PGR: variants seen among roughly 807,000 people sequenced by gnomAD.
The protein encoded by PGR is progesterone receptor, also known as nuclear receptor subfamily 3 group C member 3.
A neutral mutation model predicts 76.1 loss-of-function variants in PGR; 25 were observed. The ratio of observed to expected loss-of-function variants is 0.33; its 90% CI spans 0.24 to 0.46. The LOEUF is 0.46. Among genes scored for constraint, PGR ranks in the 20% least tolerant of loss-of-function variants. PGR has a pLI of 1.00. For synonymous variants in PGR, 579 were observed against 535.0 expected (o/e 1.08, Z -1.14); for missense variants, 1,172 against 1,225.3 (o/e 0.96, Z 0.65).
chr11:101,061,905 G>A (rs1295554914), intron 4 of PGR, among the ~76,000 whole-genome samples: 2 of 152,130 alleles, frequency 1.3e-5, no homozygotes, highest in Admixed American at 6.5e-5. Flanking sequence ...CTCTCTTTGG[G>A]TATAAATTAG....
At chr11:101,068,003 A>G (rs1860783964) in intron 3 of PGR, among the ~76,000 whole-genome samples, 1 of 152,186 alleles carries the variant, frequency 6.6e-6, no homozygotes, top group Non-Finnish European at 1.5e-5. Flanking sequence ...AAAGATAAAG[A>G]GGAATGTGAT....
At position 101,129,719 on chromosome 11, in the gene PGR, C is replaced by G. The variant is rs1350265510; in HGVS notation, c.-649G>C. ...ACTAGCCGCCTCGGGTTGTAGATTT[C>G]ACTCAAATGACAAGTGAAGCTAGTT... On this transcript the variant is annotated 5_prime_UTR_variant, in exon 1 of 8. Coordinates refer to ENST00000325455, the MANE Select transcript of PGR (RefSeq NM_000926.4). 5.5e-6 allele frequency: 1 copy of G among 180,754 alleles called. No homozygotes were observed. Among genetic ancestry groups the G allele is most frequent in the Non-Finnish European group, 1.2e-5 (1 of 84,638 alleles). 11.2% of individuals were successfully genotyped at this position (180,754 alleles called of 1,614,324 possible). A position where few individuals can be genotyped will look rare whatever the true frequency, so the allele number is the denominator to read the frequency against.
At chr11:101,102,703 C>A (rs575104572) in intron 2 of PGR, among the ~76,000 whole-genome samples, 1 of 152,048 alleles carries the variant, frequency 6.6e-6, no homozygotes, top group East Asian at 1.9e-4. Context: ...ATATTAGAGA[C>A]CAATATACTA....
At chr11:101,076,358 C>T (rs867125129) in intron 3 of PGR, among the ~76,000 whole-genome samples, 8 of 152,130 alleles carry the variant, frequency 5.3e-5, no homozygotes, top group Middle Eastern at 3.4e-3. Context: ...GAAGAAATAC[C>T]TAATGTAGAT....
At chr11:101,064,325 C>A (rs1368189774) in intron 3 of PGR, among the ~76,000 whole-genome samples, 3 of 63,274 alleles carry the variant, frequency 4.7e-5, no homozygotes, top group Non-Finnish European at 8.2e-5. Context: ...GGGAGAAACT[C>A]CACCTCAAAA....
rs1166197577 is a variant in PGR at position 101,062,706 on chromosome 11, C to A, written c.1953G>T (p.Leu651=). ...KFNKVRVVRA[L]DAVALPQPVG... is the part of the protein sequence containing the mutation. The stretch of plus-strand genomic sequence containing the variant: ...CTGGCTGTGGGAGAGCAACAGCATC[C>A]AGTGCTCTCACAACTCTGACTTTAT... Residue 651 remains leucine, a synonymous_variant, in exon 4 of 8, where the codon CTG becomes CTT. Coordinates refer to ENST00000325455, the MANE Select transcript of PGR (RefSeq NM_000926.4). 1.2e-6 allele frequency: 2 copies of A among 1,613,642 alleles called. No individual in the cohort carries two copies. Among genetic ancestry groups the A allele is most frequent in the Non-Finnish European group, 1.7e-6 (2 of 1,179,830 alleles).
chr11:101,051,317 C>T, intron 5 of PGR, 107 bp downstream of exon 5: 1 of 752,130 alleles, frequency 1.3e-6, no homozygotes, highest in Non-Finnish European at 2.3e-6. Flanking sequence ...ACAGTAATGT[C>T]ATCATATCAA....
intron 3 of PGR, among the ~76,000 whole-genome samples, chr11:101,074,592 C>T (rs1861058883): frequency 6.6e-6 from 1 of 152,090 alleles, no homozygotes; most frequent in African/African-American, 2.4e-5. Context: ...CATCTCAGCC[C>T]AAAATCTCCT....
Position 101,062,763 on chromosome 11 carries a change from G to GA in PGR, c.1907-12dup, listed in dbSNP as rs771435948. On this transcript the variant is annotated splice_polypyrimidine_tract_variant and intron_variant, in intron 3 of 7. Transcript: ENST00000325455. ...TTTTAAATTTTCGACCTACAGAGAAGAAAAAAAAGAAATTCATGTAAATAT... is the reference window on the plus strand; with the variant it reads ...TTTTAAATTTTCGACCTACAGAGAAGAAAAAAAAAGAAATTCATGTAAATAT... 49 of 1,580,096 alleles carry GA rather than the reference G, an allele frequency of 3.1e-5. No homozygotes were observed. The highest frequency in any genetic ancestry group is 5.2e-5 in the Admixed American group (3 of 57,430).
chr11:101,116,887 T>C (rs929248911), intron 2 of PGR, among the ~76,000 whole-genome samples: 1 of 152,282 alleles, frequency 6.6e-6, no homozygotes, highest in South Asian at 2.1e-4. Context: ...CCCAGAATGA[T>C]ATTGTTCCTT....
In PGR at chr11:101,030,846, A is replaced by G. The variant is rs376673553; in HGVS notation, c.*8270T>C. On this transcript the variant is annotated 3_prime_UTR_variant, in exon 8 of 8. Coordinates refer to ENST00000325455, the MANE Select transcript of PGR (RefSeq NM_000926.4). ...CTAAAACCTGACAGAAGCCTCCAGC[A>G]CATAGCAAGAGGAAGTGAGAGGCTT... is the stretch of plus-strand genomic sequence containing the variant. 8.8e-4 allele frequency: 172 copies of G among 195,196 alleles called. 1 individual carries two copies. The highest frequency in any genetic ancestry group is 3.5e-3 in the Middle Eastern group (2 of 568). 12.1% of individuals were successfully genotyped at this position (195,196 alleles called of 1,614,324 possible).
At chr11:101,086,949 T>C (rs1861520532) in intron 3 of PGR, among the ~76,000 whole-genome samples, 1 of 152,158 alleles carries the variant, frequency 6.6e-6, no homozygotes, top group African/African-American at 2.4e-5. Context: ...CACTAACACA[T>C]GTAAAAACAT....
In PGR at chr11:101,045,566, C is replaced by T. The variant is rs528924445; in HGVS notation, c.2489-3464G>A. Among the ~76,000 whole-genome samples the T allele has an allele frequency of 7.4e-4, 112 of 152,212 alleles. 1 individual carries two copies. Among genetic ancestry groups the T allele is most frequent in the African/African-American group, 2.5e-3 (104 of 41,542 alleles). ...GAGAACATGTGGTATCTGACTTTGT[C>T]TCTGAATTGTTTCACTTAAGATAAT... On this transcript the variant is annotated intron_variant, in intron 6 of 7. Transcript: ENST00000325455.
At chr11:101,089,641 T>C (rs1861609207) in intron 3 of PGR, among the ~76,000 whole-genome samples, 1 of 145,652 alleles carries the variant, frequency 6.9e-6, no homozygotes, top group South Asian at 2.1e-4. Context: ...GATATACAGT[T>C]ACTGAAAGAA....
Position 101,127,969 on chromosome 11 carries a change from C to G in PGR, c.1102G>C (p.Glu368Gln), listed in dbSNP as rs773741495. The stretch of plus-strand genomic sequence containing the variant: ...AGAGGGTACGCGTCGTCCTTGGGCT[C>G]GGCGTCGGGCGGGTACGCGCAGTCG... ...FPDCAYPPDA[E>Q]PKDDAYPLYS... The change falls in exon 1 of 8, where the codon GAG becomes CAG. Residue 368 changes from glutamate (E) to glutamine (Q), a missense_variant. Glu to Gln is a conservative substitution (Grantham distance 29). Transcript: ENST00000325455. The G allele has an allele frequency of 5.6e-6, 9 of 1,611,970 alleles. No homozygotes were observed. In the South Asian group the frequency reaches 8.8e-5, roughly 16 times the overall value.
chr11:101,122,087 G>A (rs905711285), intron 2 of PGR, among the ~76,000 whole-genome samples: 4 of 145,938 alleles, frequency 2.7e-5, no homozygotes, highest in Non-Finnish European at 3.0e-5. Flanking sequence ...CCCGGGAGGC[G>A]GAGCTTGCAG....
At chr11:101,091,657 A>G (rs145900921) in intron 3 of PGR, 103 bp downstream of exon 3, 19 of 754,936 alleles carry the variant, frequency 2.5e-5, no homozygotes, top group Non-Finnish European at 4.3e-5. Context: ...ATCAAGACAG[A>G]AAAAACAAAA....
intron 2 of PGR, among the ~76,000 whole-genome samples, chr11:101,111,131 G>A (rs1017198350): frequency 6.6e-6 from 1 of 152,098 alleles, no homozygotes; most frequent in Non-Finnish European, 1.5e-5. Context: ...CAGAACCTGC[G>A]ATATCTCTAA....
In PGR at chr11:101,037,451, T is replaced by C. The variant is rs925825442; in HGVS notation, c.*1665A>G. 3 of 221,604 alleles carry C rather than the reference T, an allele frequency of 1.4e-5. No homozygotes were observed. Among genetic ancestry groups the C allele is most frequent in the Non-Finnish European group, 2.7e-5 (3 of 110,726 alleles). The allele number at this position is 221,604 out of a possible 1,614,324, so 13.7% of individuals were successfully genotyped here. Reference sequence around the variant, plus strand: ...AATATTTGTTGAATGAAATTAGAAATGAAGAAAGTTTTTATGCTGAGGTTT... The same window carrying C: ...AATATTTGTTGAATGAAATTAGAAACGAAGAAAGTTTTTATGCTGAGGTTT... On this transcript the variant is annotated 3_prime_UTR_variant, in exon 8 of 8. Transcript: ENST00000325455.
Sources: gnomAD v4.1 joint callset for allele counts (sites outside exome capture counted in the v4.1 genomes callset) on GRCh38, gnomAD v4.1.1 for gene constraint, MANE v1.5 for transcripts, NCBI Gene and HGNC (gene_info 2026-07-23, HGNC 2026-07-21) for gene names.